Variants in XAB2 observed in about 807,000 individuals in gnomAD.
The protein encoded by XAB2 is pre-mRNA-splicing factor SYF1.
XAB2 carries 57 observed loss-of-function variants against 113.4 expected under a neutral mutation model. The ratio of observed to expected loss-of-function variants is 0.50; its 90% CI spans 0.41 to 0.63. The LOEUF is 0.63. XAB2 is among the 20% of genes least tolerant of loss of function. The probability of loss-of-function intolerance (pLI) is 0.00; values close to 1 mark genes in which losing one functional copy is unlikely to be tolerated. For missense variants in XAB2, 1,037 were observed against 1,233.3 expected (o/e 0.84, Z 2.38); for synonymous variants, 497 against 498.8 (o/e 1.00, Z 0.05).
At chr19:7,621,102 C>CCCCCCCCCCCCCCCCCCCCT in intron 13 of XAB2, 33 bp downstream of exon 13, 1 of 1,510,588 alleles carries the variant, frequency 6.6e-7, no homozygotes. Flanking sequence ...CCAGCCCGCC[C>CCCCCCCCCCCCCCCCCCCCT]GCCACCCCCC....
At position 7,625,049 on chromosome 19, in the gene XAB2, T is replaced by C. The variant is rs2031110715; in HGVS notation, c.823-604A>G. ...CTGGCGGCTCCCCCAGCCAGGAGCA[T>C]GGCCAGCCCGTTTGGCTTTCGAGGC... On this transcript the variant is annotated intron_variant, in intron 6 of 18. Coordinates refer to ENST00000358368, the MANE Select transcript of XAB2 (RefSeq NM_020196.3). This position sits in a 1 kb window ranked among gnomAD's most constrained non-coding sequence, Gnocchi z 5.2. Among the ~76,000 whole-genome samples the C allele has an allele frequency of 6.6e-6, 1 of 152,192 alleles. No homozygotes were observed. The highest frequency in any genetic ancestry group is 2.4e-5 in the African/African-American group (1 of 41,448).
chr19:7,623,136 A>G lies in XAB2; in HGVS notation c.1239+34T>C. ...CACATATACAAGCACACACACATGC[A>G]TGAACACACAGGCACACGCAACAGG... On this transcript the variant is annotated intron_variant, in intron 9 of 18. Transcript: ENST00000358368. This position sits in a 1 kb window ranked among gnomAD's most constrained non-coding sequence, Gnocchi z 4.6. The G allele has an allele frequency of 3.7e-6, 6 of 1,610,648 alleles. No individual in the cohort carries two copies. The highest frequency in any genetic ancestry group is 4.2e-6 in the Non-Finnish European group (5 of 1,178,474).
At chr19:7,626,093 G>T (rs773754038) in intron 5 of XAB2, 43 bp downstream of exon 5, 5 of 1,612,066 alleles carry the variant, frequency 3.1e-6, no homozygotes, top group East Asian at 2.2e-5. Flanking sequence ...AGTCATGGAG[G>T]GGGTGGCCCT....
chr19:7,624,590 C>G lies in XAB2; in HGVS notation c.823-145G>C. On this transcript the variant is annotated intron_variant, in intron 6 of 18. Coordinates refer to ENST00000358368, the MANE Select transcript of XAB2 (RefSeq NM_020196.3). This position sits in a 1 kb window ranked among gnomAD's most constrained non-coding sequence, Gnocchi z 4.2. ...GCACCTCTGGGTAGTGACCCCAGGACAGAGCCTCCGTGGAGCCTTCTCACC... is the reference window on the plus strand; with the variant it reads ...GCACCTCTGGGTAGTGACCCCAGGAGAGAGCCTCCGTGGAGCCTTCTCACC... The G allele has an allele frequency of 7.8e-7, 1 of 1,284,402 alleles. No individual in the cohort carries two copies. Among genetic ancestry groups the G allele is most frequent in the Non-Finnish European group, 1.1e-6 (1 of 934,376 alleles). The allele number at this position is 1,284,402 out of a possible 1,614,324, so 79.6% of individuals were successfully genotyped here.
At position 7,625,825 on chromosome 19, in the gene XAB2, G is replaced by C; in HGVS notation, c.822+55C>G. Reference sequence around the variant, plus strand: ...TGTGCATGTGTCAACATGTGTCCCCGAGTGTCGGAGGGAGACCCCGCCCCG... The same window carrying C: ...TGTGCATGTGTCAACATGTGTCCCCCAGTGTCGGAGGGAGACCCCGCCCCG... On this transcript the variant is annotated intron_variant, in intron 6 of 18. Transcript: ENST00000358368. This position sits in a 1 kb window ranked among gnomAD's most constrained non-coding sequence, Gnocchi z 5.2. The C allele has an allele frequency of 1.3e-6, 2 of 1,547,106 alleles. No homozygotes were observed. Among genetic ancestry groups the C allele is most frequent in the South Asian group, 1.2e-5 (1 of 81,532 alleles).
chr19:7,627,174 G>A lies in XAB2; in HGVS notation c.522+69C>T, dbSNP rs4134827. ...CCGTCTGCTGGGTGACATCCTACGC[G>A]GAGCTAGTGTCACAGTGAGGCCGTT... On this transcript the variant is annotated intron_variant, in intron 4 of 18. Coordinates refer to ENST00000358368, the MANE Select transcript of XAB2 (RefSeq NM_020196.3). This position sits in a 1 kb window ranked among gnomAD's most constrained non-coding sequence, Gnocchi z 4.5. 18,170 of 1,553,506 alleles carry A rather than the reference G, an allele frequency of 0.012. 139 individuals are homozygous for A. The highest frequency in any genetic ancestry group is 0.013 in the Non-Finnish European group (14,680 of 1,139,102).
At chr19:7,620,150 C>A in intron 16 of XAB2, 75 bp from the exon 17 acceptor site, 2 of 1,593,720 alleles carry the variant, frequency 1.3e-6, no homozygotes, top group East Asian at 2.2e-5. Flanking sequence ...TCCCAGTCCC[C>A]CAGGTGATGG....
chr19:7,622,984 A>AT, intron 9 of XAB2, 91 bp from the exon 10 acceptor site: 1 of 1,561,654 alleles, frequency 6.4e-7, no homozygotes, highest in Admixed American at 1.9e-5. Context: ...GCTCACAAAC[A>AT]TACAGGCACA....
chr19:7,620,762 C>G (rs1270422996), intron 14 of XAB2, 84 bp downstream of exon 14: 1 of 1,575,968 alleles, frequency 6.3e-7, no homozygotes, highest in African/African-American at 1.3e-5. Flanking sequence ...CCAGAAGGCT[C>G]CTCCTCAGCC....
At position 7,627,631 on chromosome 19, in the gene XAB2, C is replaced by G; in HGVS notation, c.324+97G>C. The G allele has an allele frequency of 6.4e-7, 1 of 1,566,392 alleles. No individual in the cohort carries two copies. Among genetic ancestry groups the G allele is most frequent in the Non-Finnish European group, 8.7e-7 (1 of 1,152,234 alleles). On this transcript the variant is annotated intron_variant, in intron 3 of 18. Transcript: ENST00000358368. The surrounding 1 kb of genome is among the most constrained non-coding windows in gnomAD (Gnocchi z 4.5). ...AAGAAGCAACAGGAATCCAAGCCCC[C>G]ATCCCTAACATGCTGAGCCCAGCCC...
In XAB2 at chr19:7,619,923, CCCGT is replaced by C. The variant is rs1377733165; in HGVS notation, c.2396+19_2396+22del. 1.2e-6 allele frequency: 2 copies of C among 1,609,994 alleles called. No individual in the cohort carries two copies. The highest frequency in any genetic ancestry group is 2.2e-5 in the East Asian group (1 of 44,886). Reference sequence around the variant, plus strand: ...CCCTTGGGACCTGTCCCAGTCCTGTCCCGTCCAAGGATCCGCCCTCACCTCACGA... The same window carrying C: ...CCCTTGGGACCTGTCCCAGTCCTGTCCCAAGGATCCGCCCTCACCTCACGA... On this transcript the variant is annotated intron_variant, in intron 17 of 18. Transcript: ENST00000358368.
intron 14 of XAB2, 75 bp downstream of exon 14, chr19:7,620,771 C>A (rs2083022617): frequency 1.3e-6 from 2 of 1,571,840 alleles, no homozygotes; most frequent in African/African-American, 1.3e-5. Context: ...TCCTCCTCAG[C>A]CCCTCCCACC....
Position 7,625,846 on chromosome 19 carries a change from C to T in XAB2, c.822+34G>A, listed in dbSNP as rs1219942069. 3 of 1,570,802 alleles carry T rather than the reference C, an allele frequency of 1.9e-6. No homozygotes were observed. The highest frequency in any genetic ancestry group is 2.6e-6 in the Non-Finnish European group (3 of 1,153,758). On this transcript the variant is annotated intron_variant, in intron 6 of 18. Coordinates refer to ENST00000358368, the MANE Select transcript of XAB2 (RefSeq NM_020196.3). The surrounding 1 kb of genome is among the most constrained non-coding windows in gnomAD (Gnocchi z 5.2). The stretch of plus-strand genomic sequence containing the variant: ...CCCCGAGTGTCGGAGGGAGACCCCG[C>T]CCCGAACCCAGAGCCCCGTGTGCCA...
At position 7,625,124 on chromosome 19, in the gene XAB2, G is replaced by A. The variant is rs2146187725; in HGVS notation, c.823-679C>T. On this transcript the variant is annotated intron_variant, in intron 6 of 18. Coordinates refer to ENST00000358368, the MANE Select transcript of XAB2 (RefSeq NM_020196.3). The surrounding 1 kb of genome is among the most constrained non-coding windows in gnomAD (Gnocchi z 5.2). The stretch of plus-strand genomic sequence containing the variant: ...CTGAGCCTCCCCGCTCTCGGCTCTG[G>A]CCCCCTCTGCACCCACCTGCCCCCA... Among the ~76,000 whole-genome samples, 1 of 152,258 alleles carries A rather than the reference G, an allele frequency of 6.6e-6. No individual in the cohort carries two copies. The highest frequency in any genetic ancestry group is 2.1e-4 in the South Asian group (1 of 4,822).
rs756142550 is a variant in XAB2 at position 7,619,802 on chromosome 19, C to A, written c.2451G>T (p.Glu817Asp). Residue 817 changes from glutamate (E) to aspartate (D), a missense_variant, in exon 18 of 19, where the codon GAG (glutamate) becomes GAT (aspartate). Coordinates refer to ENST00000358368, the MANE Select transcript of XAB2 (RefSeq NM_020196.3). ...CCTCGTCCTCGCCCAGCTGGATCTCCTCGGGGTTGACCTGCTGTGCCAGCT... is the reference window on the plus strand; with the variant it reads ...CCTCGTCCTCGCCCAGCTGGATCTCATCGGGGTTGACCTGCTGTGCCAGCT... ...LAELAQQVNP[E>D]EIQLGEDEDE... 29 of 1,613,486 alleles carry A rather than the reference C, an allele frequency of 1.8e-5. No individual in the cohort carries two copies. The highest frequency in any genetic ancestry group is 8.5e-7 in the Non-Finnish European group (1 of 1,179,950).
chr19:7,626,605 C>T (rs189235944), intron 4 of XAB2, among the ~76,000 whole-genome samples: 1 of 152,172 alleles, frequency 6.6e-6, no homozygotes, highest in Non-Finnish European at 1.5e-5. Context: ...CCCCAATGGT[C>T]CAGCCTTGGT....
intron 12 of XAB2, chr19:7,621,561 G>A: frequency 4.1e-6 from 2 of 490,390 alleles, no homozygotes; most frequent in Non-Finnish European, 7.3e-6. Flanking sequence ...GGGTGAAGGT[G>A]GGTGGCTCCC....
chr19:7,619,893 G>A lies in XAB2; in HGVS notation c.2397-37C>T, dbSNP rs202171193. The A allele has an allele frequency of 2.5e-4, 407 of 1,609,638 alleles. 2 individuals carry two copies. The highest frequency in any genetic ancestry group is 1.5e-3 in the Middle Eastern group (9 of 6,062). On this transcript the variant is annotated intron_variant, in intron 17 of 18. Coordinates refer to ENST00000358368, the MANE Select transcript of XAB2 (RefSeq NM_020196.3). ...CCATGCTGCCTCAGTTCCCCACCCC[G>A]GGCCCCCTTGGGACCTGTCCCAGTC...
intron 4 of XAB2, among the ~76,000 whole-genome samples, chr19:7,626,763 G>GC (rs2031148366): frequency 6.6e-6 from 1 of 152,072 alleles, no homozygotes; most frequent in Admixed American, 6.6e-5. Context: ...TCCAGCCTGG[G>GC]CCCCACGGGT....
Sources: gnomAD v4.1 joint callset for allele counts (sites outside exome capture counted in the v4.1 genomes callset) on GRCh38, gnomAD v4.1.1 for gene constraint, Gnocchi (gnomAD v3.1) non-coding constraint, MANE v1.5 for transcripts, NCBI Gene and HGNC (gene_info 2026-07-23, HGNC 2026-07-21) for gene names.